The following ASIC2 variants were observed in gnomAD, a reference collection of about 807,000 sequenced individuals.
ASIC2 encodes the protein acid-sensing ion channel 2.
In ASIC2, 25 loss-of-function variants were observed where a neutral mutation model predicts 57.3. That is an observed-to-expected ratio of 0.44 (90% CI 0.32 to 0.61). ASIC2 has a LOEUF of 0.61. ASIC2 is among the 20% of genes least tolerant of loss of function. The pLI is 0.06. For synonymous variants in ASIC2, 319 were observed against 307.5 expected, an observed-to-expected ratio of 1.04 and a Z score of -0.39; for missense variants, 641 against 738.1, an observed-to-expected ratio of 0.87 and a Z score of 1.52.
Position 33,709,881 on chromosome 17 carries a change from C to T in ASIC2, c.555+446097G>A, listed in dbSNP as rs534950033. 7.2e-5 allele frequency among the ~76,000 whole-genome samples: 11 copies of T among 152,348 alleles called. No individual in the cohort carries two copies. The South Asian group carries it at 1.2e-3, about 17-fold the overall frequency. ...CCTTTATCTGTACCATGTTGATTCT[C>T]TATTTGGACATTTCCAGTGACATGG... On this transcript the variant is annotated intron_variant, in intron 1 of 9. Transcript: ENST00000359872.
intron 1 of ASIC2, among the ~76,000 whole-genome samples, chr17:33,459,890 A>G (rs1005785507): frequency 6.6e-6 from 1 of 152,128 alleles, no homozygotes; most frequent in Non-Finnish European, 1.5e-5. Context: ...CCTCTTCTTT[A>G]GAGTGTTAAG....
In ASIC2 at chr17:33,688,536, C is replaced by A. The variant is rs1177186730; in HGVS notation, c.555+467442G>T. ...CCTGGAAATGACCTAGAACCCACAGCCTGTCTCAGCCGTGCTGCATGTTCC... is the reference window on the plus strand; with the variant it reads ...CCTGGAAATGACCTAGAACCCACAGACTGTCTCAGCCGTGCTGCATGTTCC... On this transcript the variant is annotated intron_variant, in intron 1 of 9. Transcript: ENST00000359872. Among the ~76,000 whole-genome samples, 4 of 152,210 alleles carry A rather than the reference C, an allele frequency of 2.6e-5. No individual in the cohort carries two copies. The South Asian group carries it at 6.2e-4, about 24-fold the overall frequency.
At chr17:33,323,449 AC>A (rs749190130) in intron 1 of ASIC2, among the ~76,000 whole-genome samples, 1 of 152,242 alleles carries the variant, frequency 6.6e-6, no homozygotes, top group African/African-American at 2.4e-5. Flanking sequence ...ACGGTGCCTC[AC>A]GCCTATAATC....
At chr17:33,475,537 T>C (rs1340193833) in intron 1 of ASIC2, among the ~76,000 whole-genome samples, 1 of 152,230 alleles carries the variant, frequency 6.6e-6, no homozygotes, top group African/African-American at 2.4e-5. Context: ...TTTGGCTTTG[T>C]TGGTTGGACA....
rs147849834 is a variant in ASIC2 at position 34,132,041 on chromosome 17, T to C, written c.555+23937A>G. 4.1e-4 allele frequency among the ~76,000 whole-genome samples: 63 copies of C among 152,292 alleles called. 1 individual carries two copies. The East Asian group carries it at 0.011, about 28-fold the overall frequency. On this transcript the variant is annotated intron_variant, in intron 1 of 9. Transcript: ENST00000359872. ...CATCTCTTATGCCCTATAAGTTTGA[T>C]CTCTGGGCTTTCTACAGGAGGATCA...
chr17:33,522,134 C>A (rs546818341), intron 1 of ASIC2, among the ~76,000 whole-genome samples: 5 of 152,194 alleles, frequency 3.3e-5, no homozygotes. Context: ...TCAGTCCCCC[C>A]ACTCCTTCCT....
intron 1 of ASIC2, among the ~76,000 whole-genome samples, chr17:34,078,008 T>C (rs1909735665): frequency 2.0e-5 from 3 of 152,160 alleles, no homozygotes; most frequent in Admixed American, 2.0e-4. Flanking sequence ...CATCTTCACA[T>C]CTCTGTGCCT....
chr17:33,188,178 A>T (rs1390992790), intron 1 of ASIC2, among the ~76,000 whole-genome samples: 3 of 152,126 alleles, frequency 2.0e-5, no homozygotes, highest in Non-Finnish European at 4.4e-5. Context: ...ATCTCAGATT[A>T]AAAAATGCAC....
chr17:33,465,666 G>A (rs1004090152), intron 1 of ASIC2, among the ~76,000 whole-genome samples: 1 of 152,144 alleles, frequency 6.6e-6, no homozygotes, highest in Non-Finnish European at 1.5e-5. Flanking sequence ...GAGCCACCAC[G>A]CCTGGCCTGA....
chr17:34,074,118 A>C (rs2142071216), intron 1 of ASIC2, among the ~76,000 whole-genome samples: 1 of 152,266 alleles, frequency 6.6e-6, no homozygotes, highest in South Asian at 2.1e-4. Context: ...GAAATGCCAA[A>C]ATCTCAAGCC....
chr17:33,250,093 G>C (rs1908829311), intron 1 of ASIC2, among the ~76,000 whole-genome samples: 1 of 152,184 alleles, frequency 6.6e-6, no homozygotes, highest in Non-Finnish European at 1.5e-5. Flanking sequence ...TAGGCAAACT[G>C]ATTCTCTCTA....
At chr17:33,630,318 A>G (rs1331229027) in intron 1 of ASIC2, among the ~76,000 whole-genome samples, 2 of 152,120 alleles carry the variant, frequency 1.3e-5, no homozygotes, top group Non-Finnish European at 2.9e-5. Context: ...CCTGGTTCAC[A>G]TGGTTCCTTT....
chr17:33,771,544 T>C (rs1256713391), intron 1 of ASIC2, among the ~76,000 whole-genome samples: 1 of 152,184 alleles, frequency 6.6e-6, no homozygotes, highest in East Asian at 1.9e-4. Context: ...AGAACTTACA[T>C]TAGTGTTTTT....
At chr17:33,236,692 C>A (rs966559757) in intron 1 of ASIC2, among the ~76,000 whole-genome samples, 1 of 152,074 alleles carries the variant, frequency 6.6e-6, no homozygotes, top group African/African-American at 2.4e-5. Context: ...GAGACAAAAT[C>A]ATCCTGGATT....
intron 1 of ASIC2, among the ~76,000 whole-genome samples, chr17:34,050,079 T>C (rs1322437416): frequency 6.6e-6 from 1 of 152,190 alleles, no homozygotes; most frequent in African/African-American, 2.4e-5. Context: ...CATAACAATA[T>C]TATACTCTGA....
At chr17:33,516,137 AAAC>A (rs1227703078) in intron 1 of ASIC2, among the ~76,000 whole-genome samples, 2 of 151,832 alleles carry the variant, frequency 1.3e-5, no homozygotes, top group East Asian at 1.9e-4. Context: ...AAACAAAACA[AAAC>A]AAAACAAAAC....
chr17:33,391,983 A>G (rs1909907740), intron 1 of ASIC2, among the ~76,000 whole-genome samples: 1 of 152,156 alleles, frequency 6.6e-6, no homozygotes, highest in African/African-American at 2.4e-5. Context: ...GCTTTTAAGC[A>G]CTGTACTCAT....
At chr17:33,943,717 G>C (rs970494420) in intron 1 of ASIC2, among the ~76,000 whole-genome samples, 1 of 146,570 alleles carries the variant, frequency 6.8e-6, no homozygotes, top group African/African-American at 2.5e-5. Flanking sequence ...AAAAAATGGA[G>C]AAAATAACCA....
chr17:33,563,448 G>A (rs1377972995), intron 1 of ASIC2, among the ~76,000 whole-genome samples: 1 of 152,146 alleles, frequency 6.6e-6, no homozygotes, highest in East Asian at 1.9e-4. Flanking sequence ...TGCATTTGAG[G>A]CATCTGTAAA....
Sources: allele counts gnomAD v4.1 joint callset (sites outside exome capture counted in the v4.1 genomes callset), GRCh38; gene constraint gnomAD v4.1.1; transcripts MANE v1.5; gene names NCBI Gene and HGNC (gene_info 2026-07-23, HGNC 2026-07-21).